The following AXIN2 variants were observed in gnomAD, a reference collection of about 807,000 sequenced individuals.
AXIN2 encodes the protein axin 2.
A neutral mutation model predicts 74.7 loss-of-function variants in AXIN2; 21 were observed. That is an observed-to-expected ratio of 0.28 (90% confidence interval 0.20 to 0.40). AXIN2 has a LOEUF of 0.40. Among genes scored for constraint, AXIN2 ranks in the 10% least tolerant of loss-of-function variants. The pLI is 1.00. For missense variants in AXIN2, 1,144 were observed against 1,111.1 expected (o/e 1.03, Z -0.42); for synonymous variants, 532 against 454.9 (o/e 1.17, Z -2.16).
Position 65,537,308 on chromosome 17 carries a change from T to G in AXIN2, c.1712+16A>C, listed in dbSNP as rs1186273764. The G allele has an allele frequency of 1.2e-6, 2 of 1,613,702 alleles. No homozygotes were observed. The highest frequency in any genetic ancestry group is 1.7e-6 in the Non-Finnish European group (2 of 1,180,008). On this transcript the variant is annotated intron_variant, in intron 6 of 10. Transcript: ENST00000307078. ...ACAAGCCCCACACGGGACACTGCGG[T>G]CCGCCCGGCACTTACCCAAACTGCT...
At chr17:65,551,810 G>T (rs950409946) in intron 2 of AXIN2, among the ~76,000 whole-genome samples, 1 of 152,246 alleles carries the variant, frequency 6.6e-6, no homozygotes, top group African/African-American at 2.4e-5. Context: ...GGCCTTGTCA[G>T]ACTTGGCCAG....
chr17:65,532,954 G>C (rs2043849311), intron 10 of AXIN2, among the ~76,000 whole-genome samples: 2 of 152,208 alleles, frequency 1.3e-5, no homozygotes, highest in Non-Finnish European at 2.9e-5. Flanking sequence ...TGGGAAACCT[G>C]GGACAGAACT....
At chr17:65,530,445 G>T (rs981000810) in intron 10 of AXIN2, among the ~76,000 whole-genome samples, 1 of 152,180 alleles carries the variant, frequency 6.6e-6, no homozygotes, top group Admixed American at 6.5e-5. Flanking sequence ...GCAGTGGGGT[G>T]GGGGAGGGAA....
chr17:65,528,712 G>C lies in AXIN2; in HGVS notation c.*1264C>G. On this transcript the variant is annotated 3_prime_UTR_variant, in exon 11 of 11. Coordinates refer to ENST00000307078, the MANE Select transcript of AXIN2 (RefSeq NM_004655.4). ...TCATGACAAAAGTCATTGAGTACAAGACTTGTAATAAAAAGGCATAAAATA... is the reference window on the plus strand; with the variant it reads ...TCATGACAAAAGTCATTGAGTACAACACTTGTAATAAAAAGGCATAAAATA... 2.0e-6 allele frequency: 1 copy of C among 505,428 alleles called. No individual in the cohort carries two copies. Among genetic ancestry groups the C allele is most frequent in the Middle Eastern group, 2.9e-4 (1 of 3,462 alleles). 31.3% of individuals were successfully genotyped at this position (505,428 alleles called of 1,614,324 possible). A position where few individuals can be genotyped will look rare whatever the true frequency, so the allele number is the denominator to read the frequency against.
rs9915936 is a variant in AXIN2, at chr17:65,537,671, T to C, written c.1365A>G (p.Pro455=). The change falls in exon 6 of 11, where the codon CCA becomes CCG. Residue 455 remains proline (P), a synonymous_variant. Transcript: ENST00000307078. ...AGCGGGGGCTATAGCGGCCTACGCC[T>C]GGAGACTGGCAGCCAGGGGTCTTGA... ...RVLKTPGCQS[P]GVGRYSPRSR... The C allele has an allele frequency of 0.9, 1,396,040 of 1,559,288 alleles. 625,484 individuals carry two copies. Among genetic ancestry groups the C allele is most frequent in the Middle Eastern group, 0.96 (5,693 of 5,936 alleles).
intron 3 of AXIN2, 43 bp from the exon 4 acceptor site, chr17:65,541,600 G>A (rs1363862466): frequency 6.5e-7 from 1 of 1,530,798 alleles, no homozygotes; most frequent in East Asian, 2.2e-5. Flanking sequence ...TTACGAGGAT[G>A]TTTTCAGCAC....
chr17:65,561,648 C>T lies in AXIN2; in HGVS notation c.-315G>A, dbSNP rs978123909. ...GATCCCGCCGCGCCAATCACAGCCGCGCTCGGCCGGCCCGCGCCGCCCGCC... is the reference window on the plus strand; with the variant it reads ...GATCCCGCCGCGCCAATCACAGCCGTGCTCGGCCGGCCCGCGCCGCCCGCC... On this transcript the variant is annotated 5_prime_UTR_variant, in exon 1 of 11. Coordinates refer to ENST00000307078, the MANE Select transcript of AXIN2 (RefSeq NM_004655.4). 3 of 150,932 alleles carry T rather than the reference C, an allele frequency of 2.0e-5. No homozygotes were observed. The highest frequency in any genetic ancestry group is 6.6e-5 in the Admixed American group (1 of 15,100). 9.3% of individuals were successfully genotyped at this position (150,932 alleles called of 1,614,324 possible). A position where few individuals can be genotyped will look rare whatever the true frequency, so the allele number is the denominator to read the frequency against.
chr17:65,532,288 G>A (rs1469813653), intron 10 of AXIN2, among the ~76,000 whole-genome samples: 1 of 152,020 alleles, frequency 6.6e-6, no homozygotes, highest in Non-Finnish European at 1.5e-5. Context: ...GCCTATGCCA[G>A]CGCCACATGG....
intron 10 of AXIN2, 88 bp downstream of exon 10, chr17:65,533,819 CTAGGT>C: frequency 7.0e-6 from 9 of 1,276,860 alleles, no homozygotes; most frequent in African/African-American, 3.0e-5. Flanking sequence ...CCTGCCCCAC[CTAGGT>C]CTGCTCAGCC....
chr17:65,536,492 C>G lies in AXIN2; in HGVS notation c.1969G>C (p.Ala657Pro), dbSNP rs1254934681. Residue 657 changes from alanine (A) to proline (P), a missense_variant, in exon 8 of 11, where the codon GCC (alanine) becomes CCC (proline). Physicochemically the swap from Ala to Pro is conservative, Grantham distance 27. This residue lies in a region of AXIN2 where 1,053 missense variants were observed against 973.5 expected (regional missense o/e 1.08). Transcript: ENST00000307078. ...ESARSSPGER[A>P]SRHHLWGGNS... is the part of the protein sequence containing the mutation. ...CCCCCCCACAGATGGTGCCGGCTGG[C>G]TCGTTCGCCTGGAGACGAGCGGGCA... 1 of 1,613,834 alleles carries G rather than the reference C, an allele frequency of 6.2e-7. No homozygotes were observed. Among genetic ancestry groups the G allele is most frequent in the Non-Finnish European group, 8.5e-7 (1 of 1,179,996 alleles).
chr17:65,546,392 C>G (rs915073454), intron 3 of AXIN2, among the ~76,000 whole-genome samples: 2 of 152,140 alleles, frequency 1.3e-5, no homozygotes, highest in African/African-American at 4.8e-5. Context: ...CTGGGAATCC[C>G]GGGTGACCGC....
rs1555583340 is a variant in AXIN2, at chr17:65,558,013, C to G, written c.608G>C (p.Gly203Ala). The change falls in exon 2 of 11, where the codon GGG becomes GCG. Residue 203 changes from glycine to alanine, a missense_variant. Transcript: ENST00000307078. ...ACTCATGTAAGCTGTGTTTTCTCCC[C>G]CACTCCTCACATATTCGAGGTATAT... ...SDIYLEYVRS[G>A]GENTAYMSNG... 6.2e-7 allele frequency: 1 copy of G among 1,614,158 alleles called. No homozygotes were observed. Among genetic ancestry groups the G allele is most frequent in the Non-Finnish European group, 8.5e-7 (1 of 1,180,042 alleles).
At position 65,536,527 on chromosome 17, in the gene AXIN2, G is replaced by C. The variant is rs730881405; in HGVS notation, c.1934C>G (p.Pro645Arg). The part of the protein sequence containing the change: ...HSAQSTKKAY[P>R]LESARSSPGE... ...TGGAGACGAGCGGGCAGACTCCAAGGGGTAGGCCTTTTTTGTGCTTTGGGC... is the reference window on the plus strand; with the variant it reads ...TGGAGACGAGCGGGCAGACTCCAAGCGGTAGGCCTTTTTTGTGCTTTGGGC... The change falls in exon 8 of 11, where the codon CCC becomes CGC. Residue 645 changes from proline to arginine, a missense_variant. By Grantham distance (103) the Pro-to-Arg change is moderately radical (BLOSUM62 -2). This residue lies in a region of AXIN2 where 1,053 missense variants were observed against 973.5 expected (regional missense o/e 1.08). Coordinates refer to ENST00000307078, the MANE Select transcript of AXIN2 (RefSeq NM_004655.4). The C allele has an allele frequency of 6.2e-7, 1 of 1,613,854 alleles. No homozygotes were observed. Among genetic ancestry groups the C allele is most frequent in the Non-Finnish European group, 8.5e-7 (1 of 1,180,014 alleles).
At chr17:65,553,851 G>A (rs377090555) in intron 2 of AXIN2, among the ~76,000 whole-genome samples, 2,263 of 149,252 alleles carry the variant, frequency 0.015, 129 homozygotes, top group African/African-American at 0.051. Flanking sequence ...AAAAGGCGGG[G>A]GGGGGGGGAG....
chr17:65,559,599 C>G (rs1310797342), intron 1 of AXIN2: 3 of 152,234 alleles, frequency 2.0e-5, no homozygotes, highest in African/African-American at 7.2e-5. Flanking sequence ...ACCCACCTCC[C>G]GGATCCGCGA....
In AXIN2 at chr17:65,558,363, C is replaced by T. The variant is rs1064795980; in HGVS notation, c.258G>A (p.Leu86=). The change falls in exon 2 of 11, where the codon TTG becomes TTA. Residue 86 remains leucine, a synonymous_variant. Transcript: ENST00000307078. The part of the protein sequence containing the change: ...TRWTKSLHSL[L]GDQDGAYLFR... ...ACAGGTAAGCACCGTCTTGATCGCC[C>T]AATAAGGAGTGTAAGGACTTGGTCC... is the stretch of plus-strand genomic sequence containing the variant. 6.2e-7 allele frequency: 1 copy of T among 1,613,518 alleles called. No homozygotes were observed. Among genetic ancestry groups the T allele is most frequent in the Non-Finnish European group, 8.5e-7 (1 of 1,179,486 alleles).
intron 8 of AXIN2, among the ~76,000 whole-genome samples, chr17:65,536,076 TCTCCCAATTCTAGGCATGACTTGC>T (rs2043908118): frequency 6.6e-6 from 1 of 152,216 alleles, no homozygotes; most frequent in Non-Finnish European, 1.5e-5. Flanking sequence ...TGAAATTCAT[TCTCCCAATTCTAGGCATGACTTGC>T]CTCACAGATC....
chr17:65,535,967 A>T (rs965014911), intron 8 of AXIN2, among the ~76,000 whole-genome samples: 1 of 152,214 alleles, frequency 6.6e-6, no homozygotes, highest in African/African-American at 2.4e-5. Context: ...CAAAGGGCTG[A>T]GGACTCTTGA....
chr17:65,533,395 G>T (rs2043856111), intron 10 of AXIN2, among the ~76,000 whole-genome samples: 1 of 152,216 alleles, frequency 6.6e-6, no homozygotes, highest in Non-Finnish European at 1.5e-5. Context: ...GAAAGGCAGG[G>T]TAAGAAAAAC....
Sources: allele counts gnomAD v4.1 joint callset (sites outside exome capture counted in the v4.1 genomes callset), GRCh38; gene constraint gnomAD v4.1.1; regional missense constraint gnomAD v4.1.1; transcripts MANE v1.5; gene names NCBI Gene and HGNC (gene_info 2026-07-23, HGNC 2026-07-21).